Variants in PLEKHA8 observed in about 807,000 individuals in gnomAD.
PLEKHA8 encodes pleckstrin homology domain containing A8, also known as pleckstrin homology domain-containing family A member 8.
PLEKHA8 carries 36 observed loss-of-function variants against 68.2 expected under a neutral mutation model. The observed-to-expected ratio is 0.53, with a 90% CI of 0.40 to 0.70. The LOEUF (loss-of-function observed/expected upper bound fraction) is 0.70, where lower values mean the gene tolerates loss of function less well. Ranked by LOEUF, PLEKHA8 falls within the 30% of genes least tolerant of loss-of-function variation. The probability of loss-of-function intolerance (pLI) is 0.00; values close to 1 mark genes in which losing one functional copy is unlikely to be tolerated. For missense variants in PLEKHA8, 505 were observed against 615.4 expected, an observed-to-expected ratio of 0.82 and a Z score of 1.90; for synonymous variants, 211 against 216.1, an observed-to-expected ratio of 0.98 and a Z score of 0.20.
At chr7:30,038,693 GTGTC>G (rs1791294025) in intron 1 of PLEKHA8, among the ~76,000 whole-genome samples, 1 of 152,108 alleles carries the variant, frequency 6.6e-6, no homozygotes, top group Non-Finnish European at 1.5e-5. Flanking sequence ...AAACTTTTAA[GTGTC>G]TGTTTAATGG....
chr7:30,128,092 T>C (rs1172383303), intron 13 of PLEKHA8, among the ~76,000 whole-genome samples: 1 of 24,550 alleles, frequency 4.1e-5, no homozygotes, highest in East Asian at 4.7e-3. Context: ...TTTTACTGTA[T>C]TTTTTTTTTT....
At position 30,081,420 on chromosome 7, in the gene PLEKHA8, A is replaced by T; in HGVS notation, c.*2633A>T. The T allele has an allele frequency of 4.1e-6, 4 of 984,700 alleles. No homozygotes were observed. Among genetic ancestry groups the T allele is most frequent in the Non-Finnish European group, 4.8e-6 (4 of 829,248 alleles). 61.0% of individuals were successfully genotyped at this position (984,700 alleles called of 1,614,324 possible). A position where few individuals can be genotyped will look rare whatever the true frequency, so the allele number is the denominator to read the frequency against. ...AAACAGTAAATTCAGCTTAACCTGA[A>T]CCTTGGCATAGTCAGAGCTTCCTCC... On this transcript the variant is annotated 3_prime_UTR_variant, in exon 14 of 14. Transcript: ENST00000449726.
chr7:30,042,340 T>C (rs1200917160), intron 1 of PLEKHA8, among the ~76,000 whole-genome samples: 1 of 152,206 alleles, frequency 6.6e-6, no homozygotes, highest in Non-Finnish European at 1.5e-5. Context: ...ACAGACACCC[T>C]GACACTCTAC....
At chr7:30,030,636 C>T (rs575419963) in intron 1 of PLEKHA8, among the ~76,000 whole-genome samples, 2 of 152,224 alleles carry the variant, frequency 1.3e-5, no homozygotes, top group Non-Finnish European at 2.9e-5. Flanking sequence ...CCTTAGCCCA[C>T]GTGCCCCGTC....
Position 30,080,249 on chromosome 7 carries a change from C to T in PLEKHA8, c.*1462C>T. The T allele has an allele frequency of 4.1e-6, 4 of 985,422 alleles. No individual in the cohort carries two copies. The highest frequency in any genetic ancestry group is 3.6e-6 in the Non-Finnish European group (3 of 829,940). The allele number at this position is 985,422 out of a possible 1,614,324, so 61.0% of individuals were successfully genotyped here. ...ACAATATTGAGTGGGCATTCTTCTG[C>T]ACAGTGTGATGCTCCAACCCTGGCC... On this transcript the variant is annotated 3_prime_UTR_variant, in exon 14 of 14. Transcript: ENST00000449726.
chr7:30,043,203 C>T (rs1309159661), intron 1 of PLEKHA8, among the ~76,000 whole-genome samples: 2 of 152,086 alleles, frequency 1.3e-5, no homozygotes, highest in African/African-American at 4.8e-5. Context: ...GCCATTGTTG[C>T]CCAGGCTGGT....
Position 30,029,353 on chromosome 7 carries a change from G to A in PLEKHA8, c.40+551G>A, listed in dbSNP as rs189003688. 9.5e-4 allele frequency among the ~76,000 whole-genome samples: 145 copies of A among 152,258 alleles called. 1 individual carries two copies. Among genetic ancestry groups the A allele is most frequent in the African/African-American group, 3.3e-3 (139 of 41,546 alleles). Reference sequence around the variant, plus strand: ...CCACAGTTTCAAAGCTCTGCACAAGGTTTTTTATTTTCTCGTTGAGCATTT... The same window carrying A: ...CCACAGTTTCAAAGCTCTGCACAAGATTTTTTATTTTCTCGTTGAGCATTT... On this transcript the variant is annotated intron_variant, in intron 1 of 13. Transcript: ENST00000449726.
chr7:30,118,672 G>A (rs1317727849), intron 13 of PLEKHA8, among the ~76,000 whole-genome samples: 1 of 151,950 alleles, frequency 6.6e-6, no homozygotes, highest in East Asian at 1.9e-4. Context: ...CCGCCTGCCG[G>A]GTTCATGCCA....
At chr7:30,093,413 G>T (rs1268575437), downstream of PLEKHA8, among the ~76,000 whole-genome samples, 1 of 152,168 alleles carries the variant, frequency 6.6e-6, no homozygotes, top group Non-Finnish European at 1.5e-5. Flanking sequence ...CACATGAGTG[G>T]TAGGACTGTG....
At chr7:30,093,486 AAGAC>A (rs1327829947), downstream of PLEKHA8, among the ~76,000 whole-genome samples, 2 of 152,188 alleles carry the variant, frequency 1.3e-5, no homozygotes, top group Admixed American at 6.5e-5. Context: ...CCTGTGATGT[AAGAC>A]AGAGCGGAGG....
At chr7:30,092,664 C>T (rs540060400), downstream of PLEKHA8, among the ~76,000 whole-genome samples, 1 of 152,292 alleles carries the variant, frequency 6.6e-6, no homozygotes, top group South Asian at 2.1e-4. Context: ...CACTCTTATT[C>T]CTTTGAATGA....
chr7:30,114,441 T>G (rs1796364109), intron 13 of PLEKHA8, among the ~76,000 whole-genome samples: 1 of 152,248 alleles, frequency 6.6e-6, no homozygotes, highest in East Asian at 1.9e-4. Flanking sequence ...GCACTTTAGC[T>G]TCAGTTTCTG....
intron 13 of PLEKHA8, among the ~76,000 whole-genome samples, chr7:30,097,629 G>A (rs1300482373): frequency 1.3e-5 from 2 of 152,146 alleles, no homozygotes; most frequent in African/African-American, 2.4e-5. Flanking sequence ...TGGCTACTGA[G>A]GCTTGTGCAT....
At position 30,081,634 on chromosome 7, in the gene PLEKHA8, T is replaced by C; in HGVS notation, c.*2847T>C. The C allele has an allele frequency of 6.1e-6, 6 of 985,356 alleles. No individual in the cohort carries two copies. The highest frequency in any genetic ancestry group is 7.2e-6 in the Non-Finnish European group (6 of 829,870). The allele number at this position is 985,356 out of a possible 1,614,324, so 61.0% of individuals were successfully genotyped here. A position where few individuals can be genotyped will look rare whatever the true frequency, so the allele number is the denominator to read the frequency against. On this transcript the variant is annotated 3_prime_UTR_variant, in exon 14 of 14. Coordinates refer to ENST00000449726, the MANE Select transcript of PLEKHA8 (RefSeq NM_001197026.2). Reference sequence around the variant, plus strand: ...GAGGAGGTGAGAAAACTCTAGTATTTTGTTGGCAGAGTAATCACTTTGTTC... The same window carrying C: ...GAGGAGGTGAGAAAACTCTAGTATTCTGTTGGCAGAGTAATCACTTTGTTC...
chr7:30,114,937 A>G (rs1796380560), intron 13 of PLEKHA8, among the ~76,000 whole-genome samples: 2 of 152,190 alleles, frequency 1.3e-5, no homozygotes, highest in Admixed American at 1.3e-4. Context: ...CCATCCAGAC[A>G]GAGGCATATA....
intron 9 of PLEKHA8, among the ~76,000 whole-genome samples, chr7:30,056,278 T>G (rs1583824837): frequency 1.8e-5 from 1 of 56,384 alleles, no homozygotes; most frequent in African/African-American, 6.0e-5. Context: ...TAAAGATATA[T>G]TCTCTCTCTC....
intron 13 of PLEKHA8, among the ~76,000 whole-genome samples, chr7:30,119,424 C>T (rs189586263): frequency 6.6e-6 from 1 of 152,186 alleles, no homozygotes; most frequent in East Asian, 1.9e-4. Context: ...GCTGCAGCCC[C>T]GGAGGCAGCT....
At chr7:30,116,986 G>C (rs1304805402) in intron 13 of PLEKHA8, among the ~76,000 whole-genome samples, 2 of 152,238 alleles carry the variant, frequency 1.3e-5, no homozygotes, top group African/African-American at 4.8e-5. Flanking sequence ...GAGAGTGGGT[G>C]TGTGTTTCAC....
At chr7:30,127,311 C>A (rs1192849329) in intron 13 of PLEKHA8, among the ~76,000 whole-genome samples, 1 of 152,094 alleles carries the variant, frequency 6.6e-6, no homozygotes, top group African/African-American at 2.4e-5. Flanking sequence ...AATATTATTC[C>A]CGTCAGGCCA....
Sources: allele counts gnomAD v4.1 joint callset (sites outside exome capture counted in the v4.1 genomes callset), GRCh38; gene constraint gnomAD v4.1.1; transcripts MANE v1.5; gene names NCBI Gene and HGNC (gene_info 2026-07-23, HGNC 2026-07-21).